The following CYFIP2 variants were observed in gnomAD, a reference collection of about 807,000 sequenced individuals.
CYFIP2 encodes cytoplasmic FMR1-interacting protein 2.
CYFIP2 carries 29 observed loss-of-function variants against 158.7 expected under a neutral mutation model. The ratio of observed to expected loss-of-function variants is 0.18; its 90% CI spans 0.14 to 0.25. The LOEUF is 0.25. CYFIP2 is among the 10% of genes least tolerant of loss of function. The pLI is 1.00. For missense variants in CYFIP2, 852 were observed against 1,639.5 expected (o/e 0.52, Z 8.29); for synonymous variants, 585 against 617.6 (o/e 0.95, Z 0.78).
At chr5:157,302,689 G>A (rs1429190255) in intron 6 of CYFIP2, 105 bp from the exon 7 acceptor site, 1 of 783,038 alleles carries the variant, frequency 1.3e-6, no homozygotes, top group Admixed American at 2.9e-5. Context: ...TTAACTTCCA[G>A]GATGATGTCA....
At chr5:157,387,463 CA>C (rs1443685275) in intron 28 of CYFIP2, among the ~76,000 whole-genome samples, 9 of 152,168 alleles carry the variant, frequency 5.9e-5, no homozygotes, top group Admixed American at 2.0e-4. Context: ...TCAAATTAAC[CA>C]AATGCACAGT....
intron 8 of CYFIP2, among the ~76,000 whole-genome samples, chr5:157,305,048 C>A (rs571967877): frequency 5.3e-4 from 80 of 152,276 alleles, no homozygotes; most frequent in Non-Finnish European, 6.9e-4. Flanking sequence ...TAATGGCCTC[C>A]AACTCCATCC....
chr5:157,305,274 A>C (rs1479691688), intron 8 of CYFIP2, among the ~76,000 whole-genome samples: 1 of 152,210 alleles, frequency 6.6e-6, no homozygotes, highest in African/African-American at 2.4e-5. Flanking sequence ...ACCCGGTAGT[A>C]GGATTGCTGG....
rs769212777 is a variant in CYFIP2 at position 157,315,049 on chromosome 5, C to T, written c.1311C>T (p.Ala437=). ...GCACCGCGGAGGAATATGAGAGAGC[C>T]ACACGCTACAATTACACCAGTGAGG... The part of the protein sequence containing the change: ...CPGTAEEYER[A]TRYNYTSEEK... Residue 437 remains alanine, a synonymous_variant, in exon 13 of 31, where the codon GCC becomes GCT. Transcript: ENST00000620254. 32 of 1,613,070 alleles carry T rather than the reference C, an allele frequency of 2.0e-5. 1 individual carries two copies. In the South Asian group the frequency reaches 3.4e-4, roughly 17 times the overall value.
At chr5:157,362,742 G>C (rs773369219) in intron 26 of CYFIP2, 2 of 152,354 alleles carry the variant, frequency 1.3e-5, no homozygotes, top group Non-Finnish European at 2.9e-5. Flanking sequence ...GCAAGAGCTA[G>C]GAGGGGTGAC....
intron 27 of CYFIP2, 67 bp downstream of exon 27, chr5:157,382,729 C>T (rs1226132713): frequency 1.4e-6 from 2 of 1,469,380 alleles, no homozygotes; most frequent in South Asian, 1.2e-5. Context: ...TTCCTAATTG[C>T]AGTCAACTCA....
Position 157,339,260 on chromosome 5 carries a change from A to G in CYFIP2, c.2585+4A>G. 6.5e-7 allele frequency: 1 copy of G among 1,536,694 alleles called. No individual in the cohort carries two copies. The highest frequency in any genetic ancestry group is 9.0e-7 in the Non-Finnish European group (1 of 1,114,818). ...GCTACAATGGGTCCACTAACCGGTA[A>G]GGGAGTCCCTGTGCAGAGGGGGCCG... On this transcript the variant is annotated splice_donor_region_variant and intron_variant, in intron 22 of 30. Transcript: ENST00000620254.
At chr5:157,329,762 A>C (rs757644213) in intron 19 of CYFIP2, among the ~76,000 whole-genome samples, 5 of 152,238 alleles carry the variant, frequency 3.3e-5, no homozygotes, top group Admixed American at 6.5e-5. Context: ...AATTTGGACC[A>C]GCCACATCTC....
At chr5:157,364,424 C>T (rs954719278) in intron 26 of CYFIP2, 1 of 152,192 alleles carries the variant, frequency 6.6e-6, no homozygotes, top group Non-Finnish European at 1.5e-5. Context: ...ACTCAATGAC[C>T]TTCAGAGCTG....
At chr5:157,330,890 GGA>G (rs750010223) in intron 20 of CYFIP2, 40 bp downstream of exon 20, 1 of 1,481,192 alleles carries the variant, frequency 6.8e-7, no homozygotes, top group Non-Finnish European at 9.4e-7. Context: ...GGAAGGGGCA[GGA>G]GAGAGCAGCT....
intron 16 of CYFIP2, 97 bp downstream of exon 16, chr5:157,324,171 A>T (rs1760830011): frequency 1.4e-6 from 2 of 1,392,964 alleles, no homozygotes; most frequent in Non-Finnish European, 1.9e-6. Context: ...AAGGGACGTG[A>T]CCGTTGACCC....
intron 21 of CYFIP2, 138 bp downstream of exon 21, chr5:157,333,584 A>G (rs1761641572): frequency 8.0e-7 from 1 of 1,249,392 alleles, no homozygotes. Context: ...TGGAGCTGGG[A>G]AAGAAAAACT....
intron 23 of CYFIP2, among the ~76,000 whole-genome samples, chr5:157,343,863 T>G (rs1762485456): frequency 6.6e-6 from 1 of 152,066 alleles, no homozygotes; most frequent in Non-Finnish European, 1.5e-5. Flanking sequence ...TCTCATCCCC[T>G]TAAGAAAAAA....
intron 28 of CYFIP2, among the ~76,000 whole-genome samples, chr5:157,385,381 C>T (rs1049159264): frequency 6.6e-6 from 1 of 152,186 alleles, no homozygotes; most frequent in Admixed American, 6.5e-5. Context: ...ATTCCATGAA[C>T]CAAAGAAAAG....
intron 23 of CYFIP2, among the ~76,000 whole-genome samples, chr5:157,356,307 C>T (rs780491236): frequency 3.9e-5 from 6 of 152,106 alleles, no homozygotes; most frequent in Admixed American, 2.6e-4. Context: ...GGGCACTGAT[C>T]CCACTCATGA....
At chr5:157,301,769 T>C (rs1758770465) in intron 6 of CYFIP2, among the ~76,000 whole-genome samples, 1 of 152,084 alleles carries the variant, frequency 6.6e-6, no homozygotes, top group Non-Finnish European at 1.5e-5. Flanking sequence ...TCTCTTTTTT[T>C]AAATTAAAAC....
At chr5:157,270,497 C>A (rs1756002365) in intron 1 of CYFIP2, among the ~76,000 whole-genome samples, 1 of 152,236 alleles carries the variant, frequency 6.6e-6, no homozygotes, top group African/African-American at 2.4e-5. Flanking sequence ...TCAGAGAAGA[C>A]ATGCAGTAAC....
In CYFIP2 at chr5:157,384,770, A is replaced by G. The variant is rs1166370276; in HGVS notation, c.3207+1411A>G. The G allele has an allele frequency of 1.7e-5, 5 of 297,448 alleles. No homozygotes were observed. The Admixed American group carries it at 2.1e-4, about 12-fold the overall frequency. 18.4% of individuals were successfully genotyped at this position (297,448 alleles called of 1,614,324 possible). On this transcript the variant is annotated intron_variant, in intron 28 of 30. Transcript: ENST00000620254. The stretch of plus-strand genomic sequence containing the variant: ...GCCTGGCCAACATGGTGAAACCCCA[A>G]CTCTACCAAAAACACAAAAATTAGC...
chr5:157,269,638 G>A (rs1215540505), intron 1 of CYFIP2: 1 of 152,176 alleles, frequency 6.6e-6, no homozygotes, highest in Non-Finnish European at 1.5e-5. Flanking sequence ...TAGAGAAGGA[G>A]CCTCCTGAAT....
Sources: allele counts gnomAD v4.1 joint callset (sites outside exome capture counted in the v4.1 genomes callset), GRCh38; gene constraint gnomAD v4.1.1; transcripts MANE v1.5; gene names NCBI Gene and HGNC (gene_info 2026-07-23, HGNC 2026-07-21).